Variants in WASHC2A observed in about 807,000 individuals in gnomAD.
WASHC2A encodes the protein WASH complex subunit 2A, also known as WASH complex subunit FAM21A.
WASHC2A carries 82 observed loss-of-function variants against 140.3 expected under a neutral mutation model. That is an observed-to-expected ratio of 0.58 (90% CI 0.49 to 0.70). The LOEUF is 0.70. Ranked by LOEUF, WASHC2A falls within the 30% of genes least tolerant of loss-of-function variation. The pLI is 0.00. For synonymous variants in WASHC2A, 340 were observed against 560.8 expected (o/e 0.61, Z 5.56); for missense variants, 985 against 1,521.8 (o/e 0.65, Z 5.87).
At chr10:50,075,189 CTAATAT>C (rs1291456896) in intron 3 of WASHC2A, among the ~76,000 whole-genome samples, 4 of 151,256 alleles carry the variant, frequency 2.6e-5, no homozygotes, top group African/African-American at 9.7e-5. Context: ...TAATAATCTT[CTAATAT>C]TAAATGTTAT....
intron 28 of WASHC2A, 47 bp downstream of exon 28, chr10:50,127,842 C>T (rs1843569082): frequency 2.4e-6 from 2 of 835,412 alleles, no homozygotes; most frequent in Non-Finnish European, 3.9e-6. Flanking sequence ...TTAACCAGAA[C>T]ATGCATATGC....
intron 16 of WASHC2A, among the ~76,000 whole-genome samples, chr10:50,099,656 C>T (rs1439766107): frequency 4.4e-5 from 6 of 137,358 alleles, no homozygotes; most frequent in Admixed American, 7.1e-5. Flanking sequence ...TTTCTCCTGC[C>T]GACCACCTAA....
At chr10:50,126,201 T>A in intron 26 of WASHC2A, 22 bp downstream of exon 26, 1 of 1,612,810 alleles carries the variant, frequency 6.2e-7, no homozygotes, top group South Asian at 1.1e-5. Flanking sequence ...TCTTTAAGGA[T>A]TTTCAGCTCT....
At chr10:50,110,872 A>G (rs1408181579) in intron 20 of WASHC2A, among the ~76,000 whole-genome samples, 5 of 146,238 alleles carry the variant, frequency 3.4e-5, no homozygotes, top group Non-Finnish European at 4.5e-5. Context: ...CAGCCTGGGC[A>G]ACGGAGCAAG....
At chr10:50,111,458 G>A (rs1339115497) in intron 20 of WASHC2A, among the ~76,000 whole-genome samples, 3 of 151,938 alleles carry the variant, frequency 2.0e-5, no homozygotes, top group Non-Finnish European at 4.4e-5. Context: ...CCTTGGGCAA[G>A]TTACCTAACT....
chr10:50,115,921 G>C (rs1353870941), intron 21 of WASHC2A, among the ~76,000 whole-genome samples: 1 of 152,156 alleles, frequency 6.6e-6, no homozygotes, highest in Non-Finnish European at 1.5e-5. Flanking sequence ...TTTAGGACCA[G>C]CCTGGCCAAC....
At chr10:50,127,536 A>G (rs951047773) in intron 27 of WASHC2A, 47 bp from the exon 28 acceptor site, 44 of 1,609,010 alleles carry the variant, frequency 2.7e-5, no homozygotes, top group Admixed American at 3.3e-5. Flanking sequence ...AAGATAATAG[A>G]CTGCTGTGTT....
intron 3 of WASHC2A, among the ~76,000 whole-genome samples, chr10:50,070,032 C>A (rs1288211159): frequency 6.6e-6 from 1 of 152,168 alleles, no homozygotes; most frequent in African/African-American, 2.4e-5. Flanking sequence ...GTAAGGACAG[C>A]TGTTTACCTG....
chr10:50,099,780 CT>C (rs1402473461), intron 16 of WASHC2A, among the ~76,000 whole-genome samples, 197 bp from the exon 17 acceptor site: 2 of 140,478 alleles, frequency 1.4e-5, no homozygotes, highest in Non-Finnish European at 3.1e-5. Context: ...GTCCTGCTCC[CT>C]GATACACCAG....
In WASHC2A at chr10:50,068,651, AT is replaced by A. The variant is rs564509103; in HGVS notation, c.126+429del. ...ACTGTTGGAGTCCCAAATGAATAGG[AT>A]TTTTGAATAAGAGTGGTGGTTGATT... On this transcript the variant is annotated intron_variant, in intron 2 of 30. Transcript: ENST00000282633. 1.2e-3 allele frequency among the ~76,000 whole-genome samples: 180 copies of A among 149,208 alleles called. 4 individuals carry two copies. Among genetic ancestry groups the A allele is most frequent in the African/African-American group, 4.3e-3 (172 of 40,202 alleles).
intron 27 of WASHC2A, 27 bp downstream of exon 27, chr10:50,127,249 G>A: frequency 3.1e-6 from 5 of 1,611,856 alleles, no homozygotes; most frequent in East Asian, 4.5e-5. Context: ...AATCTTCATT[G>A]CCTGCCCTGT....
intron 17 of WASHC2A, among the ~76,000 whole-genome samples, chr10:50,102,201 T>C (rs1554887083): frequency 6.6e-6 from 1 of 152,144 alleles, no homozygotes; most frequent in African/African-American, 2.4e-5. Context: ...TGGATATTGT[T>C]CAGATTCTAA....
At chr10:50,124,869 C>T in intron 23 of WASHC2A, among the ~76,000 whole-genome samples, 2 of 149,288 alleles carry the variant, frequency 1.3e-5, no homozygotes, top group East Asian at 2.0e-4. Flanking sequence ...AAAGCTTGTG[C>T]ATATATATAT....
At position 50,069,594 on chromosome 10, in the gene WASHC2A, C is replaced by T; in HGVS notation, c.174C>T (p.Thr58=). ...TCTCACAGCAAACTATCTCTAGGAC[C>T]CATGAAATCAAGAAACAAGTGGACG... ...QEFSQQTISR[T]HEIKKQVDGL... The change falls in exon 3 of 31, where the codon ACC becomes ACT. Residue 58 remains threonine (T), a synonymous_variant. Coordinates refer to ENST00000282633, the MANE Select transcript of WASHC2A (RefSeq NM_001005751.3). 3 of 1,613,808 alleles carry T rather than the reference C, an allele frequency of 1.9e-6. No individual in the cohort carries two copies. Among genetic ancestry groups the T allele is most frequent in the African/African-American group, 1.3e-5 (1 of 74,980 alleles).
intron 16 of WASHC2A, among the ~76,000 whole-genome samples, chr10:50,098,425 A>C (rs368385299): frequency 7.2e-6 from 1 of 139,786 alleles, no homozygotes; most frequent in African/African-American, 2.6e-5. Context: ...TAGATCCCTC[A>C]CATGCACAGT....
In WASHC2A at chr10:50,127,191, A is replaced by G. The variant is rs1189696597; in HGVS notation, c.2843A>G (p.Lys948Arg). ...DSSGLAPFKT[K>R]EPSTRIGKIQ... ...TCAGGTCTCGCTCCATTTAAAACCA[A>G]AGAACCATCCACTCGGATCGGGAAG... is the stretch of plus-strand genomic sequence containing the variant. The change falls in exon 27 of 31, where the codon AAA becomes AGA. Residue 948 changes from lysine (K) to arginine (R), a missense_variant. Coordinates refer to ENST00000282633, the MANE Select transcript of WASHC2A (RefSeq NM_001005751.3). 54 of 1,611,958 alleles carry G rather than the reference A, an allele frequency of 3.3e-5. No individual in the cohort carries two copies. The highest frequency in any genetic ancestry group is 4.5e-5 in the Non-Finnish European group (53 of 1,179,878).
chr10:50,104,048 T>C lies in WASHC2A; in HGVS notation c.1642T>C (p.Phe548Leu). The C allele has an allele frequency of 6.5e-7, 1 of 1,532,822 alleles. No homozygotes were observed. 95.0% of individuals were successfully genotyped at this position (1,532,822 alleles called of 1,614,324 possible). Residue 548 changes from phenylalanine to leucine, a missense_variant, in exon 18 of 31, where the codon TTT becomes CTT. By Grantham distance (22) the Phe-to-Leu change is conservative. Transcript: ENST00000282633. Reference sequence around the variant, plus strand: ...TTTAATTTCAATCCAACAGGATTTGTTTTCTTCTCAAAGTGCGAGTAAGTT... The same window carrying C: ...TTTAATTTCAATCCAACAGGATTTGCTTTCTTCTCAAAGTGCGAGTAAGTT... ...FSDEEDSEDL[F>L]SSQSASKLKG...
In WASHC2A at chr10:50,127,782, A is replaced by G. The variant is rs576736035; in HGVS notation, c.3074A>G (p.His1025Arg). Reference sequence around the variant, plus strand: ...CTTCCAGCTCAGGCAGACACCTTACACAGTGCAAACAAGGTGATGAAACCA... The same window carrying G: ...CTTCCAGCTCAGGCAGACACCTTACGCAGTGCAAACAAGGTGATGAAACCA... ...FDLPAQADTLHSANKSRVKMR... is the reference protein window; with the variant it reads ...FDLPAQADTLRSANKSRVKMR... The change falls in exon 28 of 31, where the codon CAC becomes CGC. Residue 1025 changes from histidine (H) to arginine (R), a missense_variant. Transcript: ENST00000282633. 2,594 of 1,494,562 alleles carry G rather than the reference A, an allele frequency of 1.7e-3. 1 individual carries two copies. The highest frequency in any genetic ancestry group is 2.2e-3 in the Non-Finnish European group (2,413 of 1,097,406). 92.6% of individuals were successfully genotyped at this position (1,494,562 alleles called of 1,614,324 possible). A position where few individuals can be genotyped will look rare whatever the true frequency, so the allele number is the denominator to read the frequency against.
In WASHC2A at chr10:50,078,735, C is replaced by A. The variant is rs1226237575; in HGVS notation, c.352C>A (p.Gln118Lys). 2.4e-5 allele frequency: 38 copies of A among 1,611,664 alleles called. No individual in the cohort carries two copies. The highest frequency in any genetic ancestry group is 3.1e-5 in the Non-Finnish European group (37 of 1,179,854). The change falls in exon 4 of 31, where the codon CAG becomes AAG. Residue 118 changes from glutamine to lysine, a missense_variant and splice_region_variant. Physicochemically the swap from Gln to Lys is moderately conservative, Grantham distance 53. Transcript: ENST00000282633. ...CAAGGCTGAGGCAGAAAAAACAGAG[C>A]AGGTACTTGTATAAAATCACTCTTA... ...VLKAEAEKTE[Q>K]EKTREQKEVD...
Sources: gnomAD v4.1 joint callset for allele counts (sites outside exome capture counted in the v4.1 genomes callset) on GRCh38, gnomAD v4.1.1 for gene constraint, MANE v1.5 for transcripts, NCBI Gene and HGNC (gene_info 2026-07-23, HGNC 2026-07-21) for gene names.